The following PRKDC variants were observed in gnomAD, a reference collection of about 807,000 sequenced individuals.
The protein encoded by PRKDC is DNA-dependent protein kinase catalytic subunit.
Under a neutral mutation model 486.9 loss-of-function variants are expected in PRKDC, and 82 were observed. That is an observed-to-expected ratio of 0.17 (90% confidence interval 0.14 to 0.20). The LOEUF (loss-of-function observed/expected upper bound fraction) is 0.20. Among genes scored for constraint, PRKDC ranks in the 10% least tolerant of loss-of-function variants. The probability of loss-of-function intolerance (pLI) is 1.00; values close to 1 mark genes in which losing one functional copy is unlikely to be tolerated. For synonymous variants in PRKDC, 1,895 were observed against 1,837.0 expected (o/e 1.03, Z -0.81); for missense variants, 4,504 against 5,038.2 (o/e 0.89, Z 3.21).
chr8:47,815,102 A>T lies in PRKDC; in HGVS notation c.9557+2348T>A, dbSNP rs141347421. 1.8e-4 allele frequency among the ~76,000 whole-genome samples: 27 copies of T among 152,278 alleles called. 3 individuals are homozygous for T. The highest frequency in any genetic ancestry group is 6.3e-4 in the African/African-American group (26 of 41,570). ...GACTGCTTAAACCTGGGAGGCTGAG[A>T]CTGCAATGAGCCATTATCGGGTGAC... On this transcript the variant is annotated intron_variant, in intron 68 of 85. Transcript: ENST00000314191.
Position 47,935,050 on chromosome 8 carries a change from C to T in PRKDC, c.1456G>A (p.Gly486Ser). 1 of 1,505,150 alleles carries T rather than the reference C, an allele frequency of 6.6e-7. No individual in the cohort carries two copies. The highest frequency in any genetic ancestry group is 8.9e-7 in the Non-Finnish European group (1 of 1,119,792). The allele number at this position is 1,505,150 out of a possible 1,614,324, so 93.2% of individuals were successfully genotyped here. A position where few individuals can be genotyped will look rare whatever the true frequency, so the allele number is the denominator to read the frequency against. The change falls in exon 14 of 86, where the codon GGT becomes AGT. Residue 486 changes from glycine to serine, a missense_variant. Gly to Ser is a moderately conservative substitution (Grantham distance 56, BLOSUM62 0). Transcript: ENST00000314191. ...RNCISTVVHQ[G>S]LIRICSKPVV... ...GGTTTAGAACATATTCTGATTAAAC[C>T]CTGATGCACTGAAAAAAGAAAAAGA...
In PRKDC at chr8:47,834,337, T is replaced by C. The variant is rs1384976367; in HGVS notation, c.8011A>G (p.Thr2671Ala). ...AGCAAGGAGTCAGATGAGGGACTGG[T>C]GTGGTCGACCAGCGGGTCAGTGCTG... Reference protein sequence around the residue: ...GSSTDPLVDHTSPSSDSLLFA... With the variant: ...GSSTDPLVDHASPSSDSLLFA... Residue 2671 changes from threonine (T) to alanine (A), a missense_variant, in exon 59 of 86, where the codon ACC becomes GCC. Coordinates refer to ENST00000314191, the MANE Select transcript of PRKDC (RefSeq NM_006904.7). 1 of 1,613,986 alleles carries C rather than the reference T, an allele frequency of 6.2e-7. No individual in the cohort carries two copies. Among genetic ancestry groups the C allele is most frequent in the South Asian group, 1.1e-5 (1 of 91,084 alleles).
chr8:47,782,449 C>A lies in PRKDC; in HGVS notation c.11325G>T (p.Leu3775=), dbSNP rs376636103. ...EQLFQVMNGI[L]AQDSACSQRA... is the part of the protein sequence containing the mutation. Reference sequence around the variant, plus strand: ...TCTGGCTGCAGGCGGAGTCTTGGGCCAGGATCCCATTCATGACCTGGAAGA... The same window carrying A: ...TCTGGCTGCAGGCGGAGTCTTGGGCAAGGATCCCATTCATGACCTGGAAGA... Residue 3775 remains leucine, a synonymous_variant, in exon 79 of 86, where the codon CTG becomes CTT. Coordinates refer to ENST00000314191, the MANE Select transcript of PRKDC (RefSeq NM_006904.7). The surrounding 1 kb of genome is among the most constrained non-coding windows in gnomAD (Gnocchi z 4.9). 1.3e-6 allele frequency: 2 copies of A among 1,595,296 alleles called. No individual in the cohort carries two copies. The highest frequency in any genetic ancestry group is 2.7e-5 in the African/African-American group (2 of 74,636).
chr8:47,873,591 A>G (rs1168943291), intron 40 of PRKDC, among the ~76,000 whole-genome samples: 1 of 152,234 alleles, frequency 6.6e-6, no homozygotes, highest in African/African-American at 2.4e-5. Context: ...TGTTCACAAC[A>G]GCCAAAACTT....
chr8:47,853,866 A>G (rs8178164), intron 51 of PRKDC, among the ~76,000 whole-genome samples: 1 of 152,176 alleles, frequency 6.6e-6, no homozygotes, highest in Non-Finnish European at 1.5e-5. Context: ...CGGTCTTGCT[A>G]TGCTGTCCAG....
intron 21 of PRKDC, 112 bp from the exon 22 acceptor site, chr8:47,918,495 G>T: frequency 1.6e-6 from 1 of 644,028 alleles, no homozygotes; most frequent in South Asian, 4.5e-5. Flanking sequence ...CCTAAATTAT[G>T]ATTTAAAAAA....
intron 39 of PRKDC, among the ~76,000 whole-genome samples, chr8:47,878,191 G>A (rs999070246): frequency 6.9e-6 from 1 of 144,892 alleles, no homozygotes. Context: ...TGCAAACTCC[G>A]CCTCCCAGGT....
At chr8:47,951,907 A>G (rs1010376736) in intron 7 of PRKDC, among the ~76,000 whole-genome samples, 5 of 152,198 alleles carry the variant, frequency 3.3e-5, no homozygotes, top group African/African-American at 1.2e-4. Flanking sequence ...CAAAACCACG[A>G]GATATCCCTT....
At chr8:47,896,515 C>T (rs1289247891) in intron 30 of PRKDC, among the ~76,000 whole-genome samples, 4 of 152,090 alleles carry the variant, frequency 2.6e-5, no homozygotes, top group East Asian at 1.9e-4. Flanking sequence ...GACGCGGTGG[C>T]GGGTGCCTGT....
chr8:47,958,074 G>A (rs2090738733), intron 1 of PRKDC, among the ~76,000 whole-genome samples: 1 of 152,178 alleles, frequency 6.6e-6, no homozygotes, highest in Non-Finnish European at 1.5e-5. Context: ...GATCATACTG[G>A]ATTATCCAGA....
chr8:47,943,224 T>G lies in PRKDC; in HGVS notation c.951A>C (p.Glu317Asp). 6.2e-7 allele frequency: 1 copy of G among 1,613,024 alleles called. No homozygotes were observed. The highest frequency in any genetic ancestry group is 1.1e-5 in the South Asian group (1 of 90,630). Residue 317 changes from glutamate to aspartate, a missense_variant, in exon 10 of 86, where the codon GAA (glutamate) becomes GAC (aspartate). Physicochemically the swap from Glu to Asp is conservative, Grantham distance 45. Around this residue, in one of 6 missense-constraint regions of PRKDC, gnomAD observed 1,969 missense variants for 2,068.9 expected, o/e 0.95. Transcript: ENST00000314191. ...ELKKAALSAL[E>D]SFLKQVSNMV... is the part of the protein sequence containing the mutation. The stretch of plus-strand genomic sequence containing the variant: ...TTTGTGGTACCTGTTTCAGAAAGGA[T>G]TCCAGGGCTGAAAGTGCAGCTTTTT...
chr8:47,935,082 A>C (rs2090325746), intron 13 of PRKDC, 24 bp from the exon 14 acceptor site: 1 of 1,430,596 alleles, frequency 7.0e-7, no homozygotes, highest in Non-Finnish European at 9.4e-7. Context: ...AAGAAAACAA[A>C]AATGAAGGAA....
intron 61 of PRKDC, among the ~76,000 whole-genome samples, chr8:47,830,183 T>A (rs8178192): frequency 2.0e-5 from 3 of 152,204 alleles, no homozygotes; most frequent in African/African-American, 7.2e-5. Context: ...GTCACTGGCA[T>A]GTGTCTTTTA....
intron 40 of PRKDC, among the ~76,000 whole-genome samples, chr8:47,874,020 T>C (rs1308113087): frequency 3.8e-4 from 56 of 147,560 alleles, no homozygotes; most frequent in Admixed American, 1.2e-3. Flanking sequence ...GGAGTCTCGC[T>C]CAGTCACCTG....
At chr8:47,846,276 C>A (rs555267578) in intron 54 of PRKDC, among the ~76,000 whole-genome samples, 12 of 152,034 alleles carry the variant, frequency 7.9e-5, no homozygotes, top group Middle Eastern at 3.4e-3. Flanking sequence ...ATTAGCCAGG[C>A]ATGGTGGCAT....
Position 47,929,886 on chromosome 8 carries a change from T to A in PRKDC, c.2019A>T (p.Thr673=). ...ATTTTATTTTCTTGGCATTTCTTAC[T>A]GTAATAGAAAGCAATTTGTAGAAAC... ...ISGFYKLLSI[T]VRNAKKIKYF... is the part of the protein sequence containing the mutation. The change falls in exon 18 of 86, where the codon ACA becomes ACT. Residue 673 remains threonine (T), a synonymous_variant. Transcript: ENST00000314191. The A allele has an allele frequency of 6.2e-7, 1 of 1,600,728 alleles. No individual in the cohort carries two copies. The highest frequency in any genetic ancestry group is 8.5e-7 in the Non-Finnish European group (1 of 1,177,020).
At chr8:47,867,676 G>A (rs2088849149) in intron 40 of PRKDC, among the ~76,000 whole-genome samples, 1 of 151,598 alleles carries the variant, frequency 6.6e-6, no homozygotes, top group Non-Finnish European at 1.5e-5. Flanking sequence ...ACAGCGTAAA[G>A]GAATAAGAAA....
At chr8:47,919,001 G>A (rs2090032221) in intron 21 of PRKDC, among the ~76,000 whole-genome samples, 1 of 151,802 alleles carries the variant, frequency 6.6e-6, no homozygotes, top group Admixed American at 6.6e-5. Flanking sequence ...AGAGGATGGA[G>A]AGTATATAAC....
chr8:47,791,495 C>A (rs1199344824), intron 74 of PRKDC, among the ~76,000 whole-genome samples: 1 of 151,804 alleles, frequency 6.6e-6, no homozygotes, highest in Non-Finnish European at 1.5e-5. Context: ...AAACAAAAAA[C>A]AACCAAAATA....
Sources: allele counts gnomAD v4.1 joint callset (sites outside exome capture counted in the v4.1 genomes callset), GRCh38; gene constraint gnomAD v4.1.1; regional missense constraint gnomAD v4.1.1; non-coding constraint Gnocchi (gnomAD v3.1); transcripts MANE v1.5; gene names NCBI Gene and HGNC (gene_info 2026-07-23, HGNC 2026-07-21).